SPATA13: variants seen among roughly 807,000 people sequenced by gnomAD.
SPATA13 encodes the protein spermatogenesis associated 13, also known as spermatogenesis-associated protein 13.
In SPATA13, 50 loss-of-function variants were observed where a neutral mutation model predicts 104.0. That is an observed-to-expected ratio of 0.48 (90% CI 0.38 to 0.61). SPATA13 has a LOEUF of 0.61. SPATA13 is among the 20% of genes least tolerant of loss of function. SPATA13 has a pLI of 0.00. For synonymous variants in SPATA13, 606 were observed against 667.5 expected (o/e 0.91, Z 1.42); for missense variants, 1,524 against 1,690.6 (o/e 0.90, Z 1.73).
chr13:23,981,875 CTG>C (rs1322513480), intron 1 of SPATA13, among the ~76,000 whole-genome samples: 3 of 152,166 alleles, frequency 2.0e-5, no homozygotes, highest in Non-Finnish European at 4.4e-5. Flanking sequence ...AAAACAATAA[CTG>C]TGATGCAATT....
chr13:24,286,536 G>T lies in SPATA13; in HGVS notation c.2481+143G>T. ...GTCACACCTGTAAGAAATTAGGCTG[G>T]GTCGGAGCAAAAATGTTAAAGGCAG... On this transcript the variant is annotated intron_variant, in intron 6 of 12. Transcript: ENST00000382108. This position sits in a 1 kb window ranked among gnomAD's most constrained non-coding sequence, Gnocchi z 4.9. 1 of 1,024,914 alleles carries T rather than the reference G, an allele frequency of 9.8e-7. No individual in the cohort carries two copies. Among genetic ancestry groups the T allele is most frequent in the South Asian group, 1.7e-5 (1 of 58,002 alleles). The allele number at this position is 1,024,914 out of a possible 1,614,324, so 63.5% of individuals were successfully genotyped here. A position where few individuals can be genotyped will look rare whatever the true frequency, so the allele number is the denominator to read the frequency against.
At chr13:24,271,147 T>A (rs1874581894) in intron 4 of SPATA13, among the ~76,000 whole-genome samples, 1 of 151,954 alleles carries the variant, frequency 6.6e-6, no homozygotes. Flanking sequence ...ATAGTTTTAG[T>A]TGTGGACATA....
intron 3 of SPATA13, among the ~76,000 whole-genome samples, chr13:24,041,945 C>G (rs1240679113): frequency 6.6e-6 from 1 of 152,224 alleles, no homozygotes; most frequent in African/African-American, 2.4e-5. Context: ...CAGTCCTCGC[C>G]TTTTCCTCAT....
intron 3 of SPATA13, among the ~76,000 whole-genome samples, chr13:24,106,455 G>T (rs781681825): frequency 2.0e-4 from 31 of 152,122 alleles, no homozygotes; most frequent in Non-Finnish European, 5.9e-5. Flanking sequence ...TTCCACCATT[G>T]ACATGGGTGG....
intron 3 of SPATA13, among the ~76,000 whole-genome samples, chr13:24,107,758 C>T (rs915192781): frequency 2.0e-5 from 3 of 152,166 alleles, no homozygotes; most frequent in African/African-American, 4.8e-5. Context: ...AGCCTCTTCT[C>T]CTCTTTCTGT....
chr13:24,133,712 G>C lies in SPATA13; in HGVS notation c.-111-89107G>C, dbSNP rs1031916612. ...GAGATATTAGCAGACAGCTGTGGGG[G>C]AAGCTGGCCATACCTACAGAACCAG... On this transcript the variant is annotated intron_variant, in intron 3 of 14. Transcript: ENST00000424834. Among the ~76,000 whole-genome samples, 6 of 152,188 alleles carry C rather than the reference G, an allele frequency of 3.9e-5. No homozygotes were observed. In the East Asian group the frequency reaches 9.6e-4, roughly 24 times the overall value.
intron 3 of SPATA13, among the ~76,000 whole-genome samples, chr13:24,108,681 T>G (rs573369648): frequency 9.9e-5 from 15 of 152,130 alleles, no homozygotes; most frequent in African/African-American, 3.4e-4. Flanking sequence ...AGCCTGATGC[T>G]GGGACCCCTA....
chr13:24,223,448 C>T lies in SPATA13; in HGVS notation c.519C>T (p.Leu173=), dbSNP rs769239593. The change falls in exon 2 of 13, where the codon CTC becomes CTT. Residue 173 remains leucine, a synonymous_variant. Transcript: ENST00000382108. ...CACCGGGACCAGCATGTGGTGCCCT[C>T]AGGCCAGCAGAGTGGGGCACATTGG... ...PLAPGPACGA[L]RPAEWGTLDG... The T allele has an allele frequency of 6.4e-7, 1 of 1,550,632 alleles. No individual in the cohort carries two copies.
intron 1 of SPATA13, among the ~76,000 whole-genome samples, chr13:24,183,976 C>A (rs563500434): frequency 6.6e-6 from 1 of 152,108 alleles, no homozygotes; most frequent in Non-Finnish European, 1.5e-5. Context: ...ATTACTCCCC[C>A]CTCTACCCAG....
intron 4 of SPATA13, among the ~76,000 whole-genome samples, chr13:24,258,334 G>A (rs980143698): frequency 7.0e-6 from 1 of 143,498 alleles, no homozygotes; most frequent in South Asian, 2.2e-4. Context: ...GTTTATACCG[G>A]AGTTTACCAT....
At chr13:24,107,755 TCTC>T (rs1339771953) in intron 3 of SPATA13, among the ~76,000 whole-genome samples, 4 of 152,150 alleles carry the variant, frequency 2.6e-5, no homozygotes, top group South Asian at 2.1e-4. Flanking sequence ...AGCAGCCTCT[TCTC>T]CTCTTTCTGT....
chr13:24,210,602 G>A (rs558617725), intron 1 of SPATA13, among the ~76,000 whole-genome samples: 2 of 151,908 alleles, frequency 1.3e-5, no homozygotes, highest in Non-Finnish European at 2.9e-5. Flanking sequence ...ATTCTATTCT[G>A]TTGGTCTATG....
rs192756829 is a variant in SPATA13, at chr13:24,260,846, C to T, written c.2164+8984C>T. Among the ~76,000 whole-genome samples the T allele has an allele frequency of 1.9e-3, 292 of 152,306 alleles. 2 individuals carry two copies. The highest frequency in any genetic ancestry group is 6.6e-3 in the African/African-American group (276 of 41,550). On this transcript the variant is annotated intron_variant, in intron 4 of 12. Coordinates refer to ENST00000382108, the MANE Select transcript of SPATA13 (RefSeq NM_001166271.3). ...CAATGCAGAATTCTAGTCAGTTGAT[C>T]GTACACAGGGAGCCTTGTCCTACAT...
chr13:24,133,045 A>G (rs1245070880), intron 3 of SPATA13, among the ~76,000 whole-genome samples: 3 of 152,296 alleles, frequency 2.0e-5, no homozygotes, highest in East Asian at 1.9e-4. Flanking sequence ...TGGAGATGAT[A>G]TGACAGTTGA....
chr13:24,101,334 T>C (rs1351457823), intron 3 of SPATA13, among the ~76,000 whole-genome samples: 1 of 152,210 alleles, frequency 6.6e-6, no homozygotes, highest in Non-Finnish European at 1.5e-5. Flanking sequence ...TATCCTCAGT[T>C]CAACAGCATT....
intron 3 of SPATA13, 71 bp downstream of exon 3, chr13:24,249,913 A>G (rs560076178): frequency 4.0e-6 from 6 of 1,510,752 alleles, no homozygotes; most frequent in African/African-American, 2.8e-5. Context: ...CTGTCTGCAC[A>G]CTAAACTGGA....
intron 1 of SPATA13, among the ~76,000 whole-genome samples, chr13:23,980,401 G>GC (rs1437316337): frequency 3.9e-5 from 6 of 152,212 alleles, no homozygotes; most frequent in Non-Finnish European, 7.4e-5. Context: ...CACTGCGTGA[G>GC]CCCCCACTCT....
chr13:24,006,873 GC>G (rs1876257781), intron 2 of SPATA13, among the ~76,000 whole-genome samples: 1 of 152,190 alleles, frequency 6.6e-6, no homozygotes, highest in Non-Finnish European at 1.5e-5. Context: ...GGGAGAGGAT[GC>G]CCCCGCTCGG....
intron 1 of SPATA13, among the ~76,000 whole-genome samples, chr13:24,185,214 C>A (rs1034223392): frequency 2.6e-5 from 4 of 152,154 alleles, no homozygotes; most frequent in Admixed American, 6.6e-5. Flanking sequence ...TTACAAAAGA[C>A]CATACAATAA....
Sources: allele counts gnomAD v4.1 joint callset (sites outside exome capture counted in the v4.1 genomes callset), GRCh38; gene constraint gnomAD v4.1.1; non-coding constraint Gnocchi (gnomAD v3.1); transcripts MANE v1.5; gene names NCBI Gene and HGNC (gene_info 2026-07-23, HGNC 2026-07-21).